The following PMPCB variants were observed in gnomAD, a reference collection of about 807,000 sequenced individuals.
PMPCB encodes the protein mitochondrial-processing peptidase subunit beta.
A neutral mutation model predicts 61.5 loss-of-function variants in PMPCB; 46 were observed. The ratio of observed to expected loss-of-function variants is 0.75; its 90% CI spans 0.59 to 0.96. The LOEUF is 0.96. PMPCB is among the 40% of genes least tolerant of loss of function. The pLI is 0.00. For synonymous variants in PMPCB, 191 were observed against 201.6 expected (o/e 0.95, Z 0.44); for missense variants, 590 against 602.4 (o/e 0.98, Z 0.22).
At chr7:103,322,529 C>T in intron 12 of PMPCB, 2 of 1,515,696 alleles carry the variant, frequency 1.3e-6, no homozygotes, top group African/African-American at 1.4e-5. Flanking sequence ...TAGCTTCTTG[C>T]TCCTTCCGTT....
rs906354455 is a variant in PMPCB, at chr7:103,311,701, A to T, written c.1213A>T (p.Lys405Ter). ...GGTTGCACGAGCCAGAAATCTTCTG[A>T]AAACAAACATGTTGTTGCAGCTTGA... ...SEVARARNLL[K>*]TNMLLQLDGS... The change falls in exon 10 of 13, where the codon AAA (lysine) becomes TAA (stop). Residue 405 changes from lysine (K) to a stop codon, truncating the protein, a stop_gained. Transcript: ENST00000249269. LOFTEE classifies it high-confidence loss of function. 3 of 1,613,904 alleles carry T rather than the reference A, an allele frequency of 1.9e-6. No individual in the cohort carries two copies. In the African/African-American group the frequency reaches 4.0e-5, roughly 22 times the overall value.
chr7:103,346,818 A>ATGTGTGTG, the PMPCB span, among the ~76,000 whole-genome samples: 301 of 150,178 alleles, frequency 2.0e-3, 1 homozygote, highest in Non-Finnish European at 2.4e-3. Context: ...AGGCTGAATA[A>ATGTGTGTG]TGTGTGTGTG....
chr7:103,316,304 C>A (rs1818051560), downstream of PMPCB: 1 of 375,060 alleles, frequency 2.7e-6, no homozygotes, highest in East Asian at 4.1e-5. Flanking sequence ...GGTTTTAAGT[C>A]CATACATCTT....
intron 12 of PMPCB, chr7:103,320,808 A>G (rs115504811): frequency 0.038 from 6,561 of 173,674 alleles, 208 homozygotes; most frequent in African/African-American, 0.077. Flanking sequence ...CTATATTCAT[A>G]TCTTCAGTTA....
chr7:103,331,487 C>G (rs1818968890), downstream of PMPCB, among the ~76,000 whole-genome samples: 2 of 152,154 alleles, frequency 1.3e-5, no homozygotes, highest in Admixed American at 1.3e-4. Context: ...TATCCATTGA[C>G]CAACCTCTCT....
chr7:103,321,846 TA>T, intron 12 of PMPCB: 14 of 1,484,940 alleles, frequency 9.4e-6, no homozygotes, highest in Non-Finnish European at 1.1e-5. Flanking sequence ...AGACCCCATC[TA>T]AAAAACAAAC....
intron 2 of PMPCB, among the ~76,000 whole-genome samples, chr7:103,299,159 A>G (rs1817379121): frequency 6.6e-6 from 1 of 152,242 alleles, no homozygotes; most frequent in Non-Finnish European, 1.5e-5. Context: ...GTTTTCTGAC[A>G]GTCTCTGATG....
At chr7:103,305,801 C>T (rs1035070391) in intron 6 of PMPCB, among the ~76,000 whole-genome samples, 1 of 152,110 alleles carries the variant, frequency 6.6e-6, no homozygotes, top group Non-Finnish European at 1.5e-5. Flanking sequence ...TCTTGAGTAA[C>T]ATTGTTTCTA....
chr7:103,307,773 T>G (rs1227319218), intron 7 of PMPCB, 65 bp downstream of exon 7: 1 of 859,810 alleles, frequency 1.2e-6, no homozygotes, highest in East Asian at 2.5e-5. Context: ...TACACATAAG[T>G]AAACAAAATG....
chr7:103,305,546 A>T (rs187817546), intron 6 of PMPCB, among the ~76,000 whole-genome samples: 1 of 152,240 alleles, frequency 6.6e-6, no homozygotes, highest in East Asian at 1.9e-4. Context: ...GGCGTGACCC[A>T]CCGCACCTGG....
At position 103,310,345 on chromosome 7, in the gene PMPCB, T is replaced by A. The variant is rs747401273; in HGVS notation, c.1024T>A (p.Cys342Ser). 6.2e-7 allele frequency: 1 copy of A among 1,613,740 alleles called. No homozygotes were observed. Among genetic ancestry groups the A allele is most frequent in the Admixed American group, 1.7e-5 (1 of 59,950 alleles). Residue 342 changes from cysteine to serine, a missense_variant, in exon 9 of 13, where the codon TGT (cysteine) becomes AGT (serine). By Grantham distance (112) the Cys-to-Ser change is moderately radical (BLOSUM62 -1). Transcript: ENST00000249269. ...ATCTAGCAAGCTGGCCCAGCTCACT[T>A]GTCATGGCAATCTTTGCCATAGCTT... Reference protein sequence around the residue: ...NLSSKLAQLTCHGNLCHSFQS... With the variant: ...NLSSKLAQLTSHGNLCHSFQS...
chr7:103,326,629 A>G, intron 12 of PMPCB: 2 of 1,591,664 alleles, frequency 1.3e-6, no homozygotes, highest in South Asian at 2.3e-5. Context: ...TATCAAAAGT[A>G]GGATCTACAC....
At chr7:103,316,106 A>T, downstream of PMPCB, 2 of 1,434,286 alleles carry the variant, frequency 1.4e-6, no homozygotes, top group Non-Finnish European at 9.5e-7. Flanking sequence ...GATATATTAT[A>T]CAATAATATG....
intron 12 of PMPCB, chr7:103,319,696 AGAAAT>A (rs1373748284): frequency 1.9e-6 from 3 of 1,613,944 alleles, no homozygotes; most frequent in Non-Finnish European, 2.5e-6. Flanking sequence ...AAAAAAAAGA[AGAAAT>A]GAAACTTTAT....
chr7:103,307,513 T>C (rs1002126247), intron 6 of PMPCB, 83 bp from the exon 7 acceptor site: 60 of 767,748 alleles, frequency 7.8e-5, no homozygotes, highest in Non-Finnish European at 1.3e-4. Context: ...TCATGTGTAA[T>C]GTACATCACA....
intron 12 of PMPCB, chr7:103,323,526 C>A: frequency 7.5e-7 from 1 of 1,338,466 alleles, no homozygotes; most frequent in Non-Finnish European, 9.8e-7. Context: ...ATTTACGTGA[C>A]AATTTTTACA....
intron 12 of PMPCB, chr7:103,326,572 C>T: frequency 1.2e-6 from 2 of 1,614,012 alleles, no homozygotes; most frequent in Middle Eastern, 1.7e-4. Flanking sequence ...CTGGGGTAAA[C>T]ACTTCGAAGA....
intron 12 of PMPCB, chr7:103,327,507 G>A (rs1179035850): frequency 2.9e-6 from 2 of 685,638 alleles, no homozygotes; most frequent in Non-Finnish European, 4.8e-6. Context: ...GCTCTGGGGT[G>A]ATGATTAGAA....
chr7:103,297,748 A>G lies in PMPCB; in HGVS notation c.99+190A>G, dbSNP rs1320288841. 5 of 1,533,944 alleles carry G rather than the reference A, an allele frequency of 3.3e-6. No homozygotes were observed. The South Asian group carries it at 6.0e-5, about 18-fold the overall frequency. On this transcript the variant is annotated intron_variant, in intron 1 of 12. Coordinates refer to ENST00000249269, the MANE Select transcript of PMPCB (RefSeq NM_004279.3). ...GACTGGCTTGTGGCCACCCGCCAGGAGACCTGCTAGTGACGTGTGGGATGA... is the reference window on the plus strand; with the variant it reads ...GACTGGCTTGTGGCCACCCGCCAGGGGACCTGCTAGTGACGTGTGGGATGA...
Sources: allele counts gnomAD v4.1 joint callset (sites outside exome capture counted in the v4.1 genomes callset), GRCh38; gene constraint gnomAD v4.1.1; transcripts MANE v1.5; gene names NCBI Gene and HGNC (gene_info 2026-07-23, HGNC 2026-07-21).